TMEM132B: variants seen among roughly 807,000 people sequenced by gnomAD.
TMEM132B encodes transmembrane protein 132B.
Under a neutral mutation model 90.8 loss-of-function variants are expected in TMEM132B, and 18 were observed. That is an observed-to-expected ratio of 0.20 (90% CI 0.14 to 0.29). TMEM132B has a LOEUF of 0.29. TMEM132B is among the 10% of genes least tolerant of loss of function. TMEM132B has a pLI of 1.00. For synonymous variants in TMEM132B, 504 were observed against 523.3 expected, an observed-to-expected ratio of 0.96 and a Z score of 0.50; for missense variants, 1,096 against 1,326.8, an observed-to-expected ratio of 0.83 and a Z score of 2.70.
intron 1 of TMEM132B, among the ~76,000 whole-genome samples, chr12:125,307,940 T>G (rs1360921767): frequency 2.2e-5 from 3 of 134,998 alleles, no homozygotes; most frequent in African/African-American, 8.3e-5. Context: ...TAATATATAC[T>G]TATATTACAA....
At chr12:125,360,266 C>T (rs192659410) in intron 2 of TMEM132B, among the ~76,000 whole-genome samples, 1 of 152,292 alleles carries the variant, frequency 6.6e-6, no homozygotes, top group African/African-American at 2.4e-5. Flanking sequence ...TTTACTCTTA[C>T]ACCCCAAACC....
intron 1 of TMEM132B, among the ~76,000 whole-genome samples, chr12:125,230,731 C>G (rs957472482): frequency 6.6e-6 from 1 of 151,362 alleles, no homozygotes; most frequent in Non-Finnish European, 1.5e-5. Flanking sequence ...GTCTCGATCT[C>G]CTGACCTCAT....
chr12:125,321,476 C>CTT (rs34356043), intron 1 of TMEM132B, among the ~76,000 whole-genome samples: 4 of 130,004 alleles, frequency 3.1e-5, no homozygotes, highest in Non-Finnish European at 6.5e-5. Context: ...GAAAATGATT[C>CTT]TTTTTTTTTT....
At chr12:125,511,933 C>T (rs1882991722) in intron 3 of TMEM132B, among the ~76,000 whole-genome samples, 1 of 152,042 alleles carries the variant, frequency 6.6e-6, no homozygotes, top group Admixed American at 6.5e-5. Context: ...GGAAGTGTCC[C>T]TCATCCAGTT....
chr12:125,412,997 C>A (rs1428172146), intron 2 of TMEM132B, among the ~76,000 whole-genome samples: 1 of 151,870 alleles, frequency 6.6e-6, no homozygotes, highest in Non-Finnish European at 1.5e-5. Context: ...CTTTTTGGGG[C>A]GTGCAAGAGC....
chr12:125,631,749 T>C (rs2136996956), intron 5 of TMEM132B, among the ~76,000 whole-genome samples: 1 of 152,204 alleles, frequency 6.6e-6, no homozygotes, highest in Non-Finnish European at 1.5e-5. Context: ...TCCTTCTTTG[T>C]CTCTTCTTAG....
chr12:125,446,586 A>C (rs887730535), intron 3 of TMEM132B, among the ~76,000 whole-genome samples: 34 of 152,328 alleles, frequency 2.2e-4, no homozygotes, highest in African/African-American at 7.2e-4. Flanking sequence ...GATGCAAATA[A>C]AAATAAATGT....
chr12:125,560,646 C>T (rs1292577064), intron 4 of TMEM132B, among the ~76,000 whole-genome samples: 1 of 151,220 alleles, frequency 6.6e-6, no homozygotes, highest in East Asian at 1.9e-4. Context: ...TAAGGTGAAA[C>T]CCCGTCTCTA....
intron 2 of TMEM132B, among the ~76,000 whole-genome samples, chr12:125,361,167 C>G (rs1340829167): frequency 6.6e-6 from 1 of 152,074 alleles, no homozygotes; most frequent in Non-Finnish European, 1.5e-5. Context: ...GTGGCTCCCA[C>G]CCCCTATGCA....
chr12:125,568,604 G>A (rs1294873819), intron 4 of TMEM132B, among the ~76,000 whole-genome samples: 1 of 152,194 alleles, frequency 6.6e-6, no homozygotes, highest in Non-Finnish European at 1.5e-5. Flanking sequence ...ACTGAGCCAT[G>A]GATAGAATCT....
chr12:125,558,610 G>A (rs1170038920), intron 4 of TMEM132B, among the ~76,000 whole-genome samples: 1 of 152,124 alleles, frequency 6.6e-6, no homozygotes, highest in Non-Finnish European at 1.5e-5. Flanking sequence ...ATTTGACAAA[G>A]GGCTTCAAAA....
At chr12:125,495,124 A>T (rs1195462581) in intron 3 of TMEM132B, among the ~76,000 whole-genome samples, 2 of 57,342 alleles carry the variant, frequency 3.5e-5, no homozygotes, top group African/African-American at 7.1e-5. Flanking sequence ...CTCCTCCCTG[A>T]AAATGGCCGT....
chr12:125,429,764 G>T (rs114865001), intron 3 of TMEM132B, among the ~76,000 whole-genome samples: 3 of 152,150 alleles, frequency 2.0e-5, no homozygotes, highest in African/African-American at 4.8e-5. Flanking sequence ...TCATCATGTC[G>T]TATCAGGGTA....
intron 5 of TMEM132B, among the ~76,000 whole-genome samples, chr12:125,611,440 T>C (rs2136944737): frequency 6.6e-6 from 1 of 152,248 alleles, no homozygotes; most frequent in East Asian, 1.9e-4. Flanking sequence ...TCCTTTCTTA[T>C]GATGCTTTAG....
chr12:125,306,121 C>G (rs1220401364), intron 1 of TMEM132B, among the ~76,000 whole-genome samples: 1 of 152,186 alleles, frequency 6.6e-6, no homozygotes, highest in African/African-American at 2.4e-5. Flanking sequence ...GCTGCCTGGT[C>G]CAAGGAGGTG....
At chr12:125,418,596 T>C (rs576909345) in intron 3 of TMEM132B, among the ~76,000 whole-genome samples, 1 of 152,318 alleles carries the variant, frequency 6.6e-6, no homozygotes, top group Non-Finnish European at 1.5e-5. Flanking sequence ...ACAAAGTGAA[T>C]ATATGAATAT....
chr12:125,319,607 C>T (rs1434043645), intron 1 of TMEM132B, among the ~76,000 whole-genome samples: 2 of 152,182 alleles, frequency 1.3e-5, no homozygotes, highest in Admixed American at 1.3e-4. Context: ...TCTCTGGTTC[C>T]CCTCAGGGCT....
intron 4 of TMEM132B, among the ~76,000 whole-genome samples, chr12:125,555,577 G>T (rs1157766961): frequency 1.3e-4 from 14 of 105,284 alleles, no homozygotes; most frequent in African/African-American, 1.4e-4. Context: ...GGTGGGGGGT[G>T]GGGGGAGGGA....
At chr12:125,409,640 G>GT (rs1402327430) in intron 2 of TMEM132B, among the ~76,000 whole-genome samples, 8 of 60,212 alleles carry the variant, frequency 1.3e-4, no homozygotes, top group African/African-American at 2.6e-4. Context: ...GTGGAGTGGA[G>GT]GAGTGGAGTG....
Sources: allele counts gnomAD v4.1 joint callset (sites outside exome capture counted in the v4.1 genomes callset), GRCh38; gene constraint gnomAD v4.1.1; transcripts MANE v1.5; gene names NCBI Gene and HGNC (gene_info 2026-07-23, HGNC 2026-07-21).